GRID2: variants seen among roughly 807,000 people sequenced by gnomAD.
GRID2 encodes the protein glutamate ionotropic receptor delta type subunit 2, also known as glutamate receptor ionotropic, delta-2.
A neutral mutation model predicts 114.8 loss-of-function variants in GRID2; 33 were observed. The observed-to-expected ratio is 0.29, with a 90% CI of 0.22 to 0.38. GRID2 has a LOEUF of 0.38. Ranked by LOEUF, GRID2 falls within the 10% of genes least tolerant of loss-of-function variation. The pLI, the probability that GRID2 is intolerant of heterozygous loss-of-function variation, is 1.00. For missense variants in GRID2, 1,184 were observed against 1,257.7 expected, an observed-to-expected ratio of 0.94 and a Z score of 0.89; for synonymous variants, 505 against 449.9, an observed-to-expected ratio of 1.12 and a Z score of -1.55.
At chr4:93,207,537 T>A (rs926708663) in intron 5 of GRID2, 80 bp downstream of exon 5, 3 of 864,684 alleles carry the variant, frequency 3.5e-6, no homozygotes, top group Non-Finnish European at 5.6e-6. Context: ...TGGCCTTGAA[T>A]TTTTAAGCGG....
intron 14 of GRID2, among the ~76,000 whole-genome samples, chr4:93,666,428 A>G (rs1315537967): frequency 6.6e-6 from 1 of 152,070 alleles, no homozygotes; most frequent in Non-Finnish European, 1.5e-5. Context: ...GTATTTAAGC[A>G]TCTAAAGAGT....
At chr4:93,595,885 C>T (rs550565509) in intron 13 of GRID2, among the ~76,000 whole-genome samples, 3 of 152,288 alleles carry the variant, frequency 2.0e-5, no homozygotes, top group African/African-American at 4.8e-5. Context: ...ATGTATTGAT[C>T]GCCTATTATG....
At chr4:93,201,447 C>T (rs920216748) in intron 4 of GRID2, among the ~76,000 whole-genome samples, 2 of 152,164 alleles carry the variant, frequency 1.3e-5, no homozygotes. Flanking sequence ...CTGCTGGTGT[C>T]CTCTGCCTAT....
intron 2 of GRID2, among the ~76,000 whole-genome samples, chr4:92,742,277 TTCAG>T (rs1432695444): frequency 6.6e-6 from 1 of 152,156 alleles, no homozygotes; most frequent in Admixed American, 6.5e-5. Context: ...ATTATTATCA[TTCAG>T]TCTGTTGAAA....
At chr4:92,686,272 A>T (rs1222010729) in intron 2 of GRID2, among the ~76,000 whole-genome samples, 1 of 152,082 alleles carries the variant, frequency 6.6e-6, no homozygotes, top group African/African-American at 2.4e-5. Context: ...TTACTTAAAG[A>T]TGGTATCAAC....
At chr4:93,429,342 A>C (rs1043377533) in intron 10 of GRID2, among the ~76,000 whole-genome samples, 1 of 152,218 alleles carries the variant, frequency 6.6e-6, no homozygotes, top group Non-Finnish European at 1.5e-5. Flanking sequence ...TACTGTCTGC[A>C]AATTGCGCCC....
At chr4:93,343,598 C>A (rs1391638781) in intron 8 of GRID2, among the ~76,000 whole-genome samples, 1 of 152,058 alleles carries the variant, frequency 6.6e-6, no homozygotes, top group Non-Finnish European at 1.5e-5. Flanking sequence ...AAAAAGAAAT[C>A]TTTCCATGTA....
intron 2 of GRID2, among the ~76,000 whole-genome samples, chr4:93,018,294 A>G (rs1035263308): frequency 6.0e-5 from 9 of 149,632 alleles, no homozygotes; most frequent in African/African-American, 2.0e-4. Context: ...CCACTTTTTT[A>G]TATAAAATGG....
intron 13 of GRID2, among the ~76,000 whole-genome samples, chr4:93,583,544 A>G (rs1029552397): frequency 6.6e-6 from 1 of 152,140 alleles, no homozygotes; most frequent in East Asian, 1.9e-4. Flanking sequence ...GATACTTTAC[A>G]AACATCCAAT....
At chr4:93,503,796 A>G (rs556630973) in intron 12 of GRID2, among the ~76,000 whole-genome samples, 10 of 152,086 alleles carry the variant, frequency 6.6e-5, no homozygotes, top group Non-Finnish European at 1.3e-4. Context: ...CAACTATACC[A>G]ATGAGATATC....
At chr4:92,738,600 C>A (rs996188466) in intron 2 of GRID2, among the ~76,000 whole-genome samples, 5 of 152,000 alleles carry the variant, frequency 3.3e-5, no homozygotes, top group African/African-American at 1.2e-4. Context: ...CTTGAACAGA[C>A]TTTTTGCTTA....
intron 2 of GRID2, among the ~76,000 whole-genome samples, chr4:93,018,563 T>G (rs866006335): frequency 3.9e-5 from 6 of 152,286 alleles, no homozygotes; most frequent in South Asian, 4.1e-4. Context: ...AAGAGCAATT[T>G]ATAAAGCTTG....
chr4:92,965,779 T>C lies in GRID2; in HGVS notation c.245-119216T>C, dbSNP rs775421280. On this transcript the variant is annotated intron_variant, in intron 2 of 15. Coordinates refer to ENST00000282020, the MANE Select transcript of GRID2 (RefSeq NM_001510.4). Reference sequence around the variant, plus strand: ...TCTTCAAAAATATAGCCAGTATCAATTTAAAACTCAAATGTTTAAATTCCC... The same window carrying C: ...TCTTCAAAAATATAGCCAGTATCAACTTAAAACTCAAATGTTTAAATTCCC... Among the ~76,000 whole-genome samples the C allele has an allele frequency of 8.2e-4, 124 of 152,044 alleles. 1 individual carries two copies. Among genetic ancestry groups the C allele is most frequent in the Middle Eastern group, 6.8e-3 (2 of 294 alleles).
intron 14 of GRID2, among the ~76,000 whole-genome samples, chr4:93,690,336 G>A (rs931767640): frequency 4.6e-5 from 7 of 151,960 alleles, no homozygotes; most frequent in African/African-American, 1.7e-4. Context: ...AAGAAGTACT[G>A]TCACTCTCTA....
chr4:93,156,124 A>T (rs947172552), intron 4 of GRID2, among the ~76,000 whole-genome samples: 1 of 151,762 alleles, frequency 6.6e-6, no homozygotes. Flanking sequence ...AATAATTAAA[A>T]ATTTTAAAGA....
intron 13 of GRID2, among the ~76,000 whole-genome samples, chr4:93,552,149 G>T (rs1733825359): frequency 6.6e-6 from 1 of 151,040 alleles, no homozygotes; most frequent in South Asian, 2.1e-4. Context: ...TTGTCCTTGT[G>T]ATAGTTTGCT....
intron 1 of GRID2, among the ~76,000 whole-genome samples, chr4:92,483,104 C>T (rs1053815336): frequency 1.3e-5 from 2 of 152,070 alleles, no homozygotes; most frequent in Non-Finnish European, 2.9e-5. Flanking sequence ...GTTTGGGAGG[C>T]TGAGGTGGGC....
chr4:92,351,961 A>G (rs1421524144), intron 1 of GRID2, among the ~76,000 whole-genome samples: 1 of 151,874 alleles, frequency 6.6e-6, no homozygotes, highest in African/African-American at 2.4e-5. Flanking sequence ...TGCTACAATA[A>G]ATATGGGGGG....
At position 92,930,578 on chromosome 4, in the gene GRID2, A is replaced by ATT. The variant is rs35741890; in HGVS notation, c.245-154397_245-154396dup. Among the ~76,000 whole-genome samples, 337 of 119,474 alleles carry ATT rather than the reference A, an allele frequency of 2.8e-3. 9 individuals carry two copies. Among genetic ancestry groups the ATT allele is most frequent in the African/African-American group, 7.4e-3 (235 of 31,896 alleles). The allele number at this position is 119,474 out of a possible 152,430, so 78.4% of individuals were successfully genotyped here. A position where few individuals can be genotyped will look rare whatever the true frequency, so the allele number is the denominator to read the frequency against. On this transcript the variant is annotated intron_variant, in intron 2 of 15. Transcript: ENST00000282020. ...TTCTTTATCTTGTTACACTTTCGGC[A>ATT]TTTTTTTTTTTTTTTTTTTTTGCCA... is the stretch of plus-strand genomic sequence containing the variant.
Sources: allele counts gnomAD v4.1 joint callset (sites outside exome capture counted in the v4.1 genomes callset), GRCh38; gene constraint gnomAD v4.1.1; transcripts MANE v1.5; gene names NCBI Gene and HGNC (gene_info 2026-07-23, HGNC 2026-07-21).